ST6GALNAC6: variants seen among roughly 807,000 people sequenced by gnomAD.
The protein encoded by ST6GALNAC6 is alpha-N-acetylgalactosaminide alpha-2,6-sialyltransferase 6.
A neutral mutation model predicts 34.3 loss-of-function variants in ST6GALNAC6; 19 were observed. The ratio of observed to expected loss-of-function variants is 0.55; its 90% confidence interval spans 0.39 to 0.81. The LOEUF (loss-of-function observed/expected upper bound fraction) is 0.81, where lower values mean the gene tolerates loss of function less well. Ranked by LOEUF, ST6GALNAC6 falls within the 40% of genes least tolerant of loss-of-function variation. ST6GALNAC6 has a pLI of 0.00. For missense variants in ST6GALNAC6, 377 were observed against 467.7 expected (o/e 0.81, Z 1.79); for synonymous variants, 185 against 182.1 (o/e 1.02, Z -0.13).
upstream of ST6GALNAC6, among the ~76,000 whole-genome samples, chr9:127,900,556 G>A (rs569963181): frequency 1.7e-3 from 92 of 54,584 alleles, no homozygotes; most frequent in Admixed American, 2.9e-3. Flanking sequence ...GCGAAACTCC[G>A]TCTCAAAAAA....
rs778449966 is a variant in ST6GALNAC6, at chr9:127,890,699, G to A, written c.642C>T (p.Ala214=). 28 of 1,613,470 alleles carry A rather than the reference G, an allele frequency of 1.7e-5. No homozygotes were observed. The highest frequency in any genetic ancestry group is 3.3e-5 in the South Asian group (3 of 91,086). The change falls in exon 5 of 7, where the codon GCC becomes GCT. Residue 214 remains alanine, a synonymous_variant. Coordinates refer to ENST00000373146, the MANE Select transcript of ST6GALNAC6 (RefSeq NM_013443.5). This position sits in a 1 kb window ranked among gnomAD's most constrained non-coding sequence, Gnocchi z 4.3. The stretch of plus-strand genomic sequence containing the variant: ...ATTGCCGCATGCGGCCGGGAGAGAC[G>A]GCATATGCTTCCATGTTGGGGAACA... ...GLVFPNMEAY[A]VSPGRMRQFD...
chr9:127,904,351 TC>T (rs976108318), upstream of ST6GALNAC6: 60 of 148,120 alleles, frequency 4.1e-4, no homozygotes, highest in African/African-American at 8.5e-4. Context: ...CTCGTGGGCC[TC>T]CCCCCCCCAG....
rs377217117 is a variant in ST6GALNAC6 at position 127,897,895 on chromosome 9, A to G, written c.26+61T>C. ...TCCGCCCCGTCACAATCCTGCTCTG[A>G]GAAGGCCATGGTCAGTACAGCATGT... On this transcript the variant is annotated intron_variant, in intron 2 of 6. Coordinates refer to ENST00000373146, the MANE Select transcript of ST6GALNAC6 (RefSeq NM_013443.5). 9.3e-6 allele frequency: 15 copies of G among 1,612,814 alleles called. No homozygotes were observed. In the African/African-American group the frequency reaches 9.4e-5, roughly 10 times the overall value.
Position 127,896,259 on chromosome 9 carries a change from C to T in ST6GALNAC6, c.100G>A (p.Glu34Lys). The T allele has an allele frequency of 1.9e-6, 3 of 1,614,160 alleles. No individual in the cohort carries two copies. The highest frequency in any genetic ancestry group is 1.3e-5 in the African/African-American group (1 of 75,058). Residue 34 changes from glutamate (E) to lysine (K), a missense_variant, in exon 3 of 7, where the codon GAA (glutamate) becomes AAA (lysine). Transcript: ENST00000373146. ...RHLPLSRRRREMSSNKEQRSA... is the reference protein window; with the variant it reads ...RHLPLSRRRRKMSSNKEQRSA... Reference sequence around the variant, plus strand: ...AGACTTACTTTGTTGCTACTCATTTCTCTCCGGCGTCTGCTGAGGGGTAGG... The same window carrying T: ...AGACTTACTTTGTTGCTACTCATTTTTCTCCGGCGTCTGCTGAGGGGTAGG...
chr9:127,894,787 T>C (rs1830352553), intron 3 of ST6GALNAC6, 96 bp from the exon 4 acceptor site: 1 of 1,430,952 alleles, frequency 7.0e-7, no homozygotes, highest in South Asian at 1.3e-5. Flanking sequence ...CTCCTGCTTT[T>C]TGTTGCAGAC....
At position 127,896,573 on chromosome 9, in the gene ST6GALNAC6, C is replaced by T. The variant is rs12236325; in HGVS notation, c.27-241G>A. 2.2e-4 allele frequency among the ~76,000 whole-genome samples: 33 copies of T among 152,330 alleles called. No homozygotes were observed. In the East Asian group the frequency reaches 5.4e-3, roughly 25 times the overall value. Reference sequence around the variant, plus strand: ...TCCTCCCTAAGCAGGGGCCTTCCCACACCAAGGCAGCTGGCAGGGCCAAAG... The same window carrying T: ...TCCTCCCTAAGCAGGGGCCTTCCCATACCAAGGCAGCTGGCAGGGCCAAAG... On this transcript the variant is annotated intron_variant, in intron 2 of 6. Transcript: ENST00000373146.
intron 1 of ST6GALNAC6, chr9:127,905,174 G>C: frequency 1.0e-6 from 1 of 972,190 alleles, no homozygotes; most frequent in Non-Finnish European, 1.2e-6. Context: ...GGTGATCCCT[G>C]GGGCTGTGGG....
Position 127,898,937 on chromosome 9 carries a change from G to A in ST6GALNAC6, c.-30+566C>T, listed in dbSNP as rs538430385. On this transcript the variant is annotated intron_variant, in intron 1 of 6. Coordinates refer to ENST00000373146, the MANE Select transcript of ST6GALNAC6 (RefSeq NM_013443.5). Reference sequence around the variant, plus strand: ...GCCCCGAGCGCTGGGCCAGGAGCATGGACTCAGCCCAAGGCTGGACGTGCA... The same window carrying A: ...GCCCCGAGCGCTGGGCCAGGAGCATAGACTCAGCCCAAGGCTGGACGTGCA... Among the ~76,000 whole-genome samples the A allele has an allele frequency of 1.1e-3, 164 of 152,298 alleles. 1 individual carries two copies. The highest frequency in any genetic ancestry group is 3.9e-3 in the African/African-American group (161 of 41,574).
upstream of ST6GALNAC6, among the ~76,000 whole-genome samples, chr9:127,901,095 T>TTTCATAGGAG (rs1356548761): frequency 2.7e-5 from 4 of 150,940 alleles, no homozygotes; most frequent in Non-Finnish European, 5.9e-5. Context: ...TTCTTGCAGA[T>TTTCATAGGAG]GTGCCCAAGG....
chr9:127,891,700 A>G lies in ST6GALNAC6; in HGVS notation c.298-657T>C, dbSNP rs566767460. Among the ~76,000 whole-genome samples, 225 of 140,102 alleles carry G rather than the reference A, an allele frequency of 1.6e-3. 3 individuals are homozygous for G. Among genetic ancestry groups the G allele is most frequent in the Admixed American group, 0.016 (224 of 14,098 alleles). The allele number at this position is 140,102 out of a possible 152,430, so 91.9% of individuals were successfully genotyped here. A position where few individuals can be genotyped will look rare whatever the true frequency, so the allele number is the denominator to read the frequency against. ...AGAAAAAGGAAAGGAAAGGGGAAAAAGGAAAGGAAAGGAGAGGAGAGGGAG... is the reference window on the plus strand; with the variant it reads ...AGAAAAAGGAAAGGAAAGGGGAAAAGGGAAAGGAAAGGAGAGGAGAGGGAG... On this transcript the variant is annotated intron_variant, in intron 4 of 6. Transcript: ENST00000373146.
rs115943304 is a variant in ST6GALNAC6, at chr9:127,895,287, G to A, written c.118-596C>T. The stretch of plus-strand genomic sequence containing the variant: ...CTTCTTGGTTCTGGTAGGCTTGCTA[G>A]GGAGGCTCCTTCAGTGCACACGGCC... On this transcript the variant is annotated intron_variant, in intron 3 of 6. Transcript: ENST00000373146. 1.8e-3 allele frequency among the ~76,000 whole-genome samples: 270 copies of A among 152,316 alleles called. 1 individual carries two copies. The highest frequency in any genetic ancestry group is 6.3e-3 in the African/African-American group (260 of 41,576).
intron 4 of ST6GALNAC6, among the ~76,000 whole-genome samples, chr9:127,892,230 C>A (rs748721496): frequency 6.6e-6 from 1 of 152,216 alleles, no homozygotes; most frequent in African/African-American, 2.4e-5. Context: ...TCTGACCTCA[C>A]AGTCTAACCA....
chr9:127,896,185 C>G lies in ST6GALNAC6; in HGVS notation c.117+57G>C. 1.3e-5 allele frequency: 21 copies of G among 1,581,294 alleles called. No individual in the cohort carries two copies. In the South Asian group the frequency reaches 2.2e-4, roughly 17 times the overall value. On this transcript the variant is annotated intron_variant, in intron 3 of 6. Coordinates refer to ENST00000373146, the MANE Select transcript of ST6GALNAC6 (RefSeq NM_013443.5). Reference sequence around the variant, plus strand: ...GGTCTGAGACAGGTCCAAAGGAACCCGTTCCATGGAGGGAAGTGAGAGGCT... The same window carrying G: ...GGTCTGAGACAGGTCCAAAGGAACCGGTTCCATGGAGGGAAGTGAGAGGCT...
intron 3 of ST6GALNAC6, 77 bp downstream of exon 3, chr9:127,896,165 G>T: frequency 1.3e-6 from 2 of 1,519,268 alleles, no homozygotes; most frequent in Non-Finnish European, 1.8e-6. Flanking sequence ...GCTGGGGTCT[G>T]AGACAGGTCC....
rs184079086 is a variant in ST6GALNAC6 at position 127,896,845 on chromosome 9, C to A, written c.27-513G>T. ...ACTCCCCTACGTCCTCCCATCCCCC[C>A]AGGCTAAGAGCTGCCTGCGGGATAC... On this transcript the variant is annotated intron_variant, in intron 2 of 6. Transcript: ENST00000373146. The A allele has an allele frequency of 7.0e-4, 692 of 985,270 alleles. 5 individuals carry two copies. In the African/African-American group the frequency reaches 0.011, roughly 16 times the overall value. The allele number at this position is 985,270 out of a possible 1,614,324, so 61.0% of individuals were successfully genotyped here. A position where few individuals can be genotyped will look rare whatever the true frequency, so the allele number is the denominator to read the frequency against.
chr9:127,904,392 C>G (rs570841739), upstream of ST6GALNAC6: 1 of 152,440 alleles, frequency 6.6e-6, no homozygotes, highest in South Asian at 2.1e-4. Flanking sequence ...GAGAGCTGGC[C>G]TCTGCTTTGA....
upstream of ST6GALNAC6, among the ~76,000 whole-genome samples, chr9:127,905,677 C>T (rs369302377): frequency 1.3e-5 from 2 of 152,304 alleles, no homozygotes; most frequent in South Asian, 2.1e-4. Flanking sequence ...ATGAACCCCA[C>T]GAAAAATGCT....
At chr9:127,905,549 C>G (rs1251050852), upstream of ST6GALNAC6, 4 of 565,926 alleles carry the variant, frequency 7.1e-6, no homozygotes, top group African/African-American at 2.0e-5. Context: ...CCATCAGAAC[C>G]AGTGGACACT....
At chr9:127,888,606 A>G (rs1704990991) in intron 5 of ST6GALNAC6, among the ~76,000 whole-genome samples, 1 of 151,536 alleles carries the variant, frequency 6.6e-6, no homozygotes, top group Non-Finnish European at 1.5e-5. Context: ...CAAGAGATTG[A>G]GACCAGCCTG....
Sources: gnomAD v4.1 joint callset for allele counts (sites outside exome capture counted in the v4.1 genomes callset) on GRCh38, gnomAD v4.1.1 for gene constraint, Gnocchi (gnomAD v3.1) non-coding constraint, MANE v1.5 for transcripts, NCBI Gene and HGNC (gene_info 2026-07-23, HGNC 2026-07-21) for gene names.